The following NKAIN3 variants were observed in gnomAD, a reference collection of about 807,000 sequenced individuals.
NKAIN3 encodes the protein sodium/potassium-transporting ATPase subunit beta-1-interacting protein 3.
In NKAIN3, 25 loss-of-function variants were observed where a neutral mutation model predicts 30.2. The ratio of observed to expected loss-of-function variants is 0.83; its 90% CI spans 0.60 to 1.16. The LOEUF is 1.16. Ranked by LOEUF, NKAIN3 falls within the 50% of genes most tolerant of loss-of-function variation. The pLI, the probability that NKAIN3 is intolerant of heterozygous loss-of-function variation, is 0.00. For synonymous variants in NKAIN3, 91 were observed against 89.6 expected, an observed-to-expected ratio of 1.02 and a Z score of -0.09; for missense variants, 225 against 254.1, an observed-to-expected ratio of 0.89 and a Z score of 0.78.
intron 1 of NKAIN3, among the ~76,000 whole-genome samples, chr8:62,327,986 A>C (rs550204415): frequency 6.6e-6 from 1 of 152,048 alleles, no homozygotes; most frequent in African/African-American, 2.4e-5. Context: ...TTGCAGAGGA[A>C]TCTTTTAAAA....
intron 1 of NKAIN3, among the ~76,000 whole-genome samples, chr8:62,436,498 A>T (rs1489980801): frequency 6.6e-6 from 1 of 152,206 alleles, no homozygotes; most frequent in Non-Finnish European, 1.5e-5. Flanking sequence ...AAGTGGTTAT[A>T]AAACAGCTGT....
intron 1 of NKAIN3, among the ~76,000 whole-genome samples, chr8:62,396,038 A>G (rs2351659): frequency 0.56 from 84,686 of 152,050 alleles, 26,279 homozygotes; most frequent in Non-Finnish European, 0.68. Flanking sequence ...TGAAGAAAAA[A>G]GAGGTTTTTA....
chr8:62,665,508 T>C (rs1379065121), intron 3 of NKAIN3, among the ~76,000 whole-genome samples: 1 of 152,212 alleles, frequency 6.6e-6, no homozygotes. Flanking sequence ...TTAAGACCAC[T>C]TTCTCTTATC....
At position 62,975,363 on chromosome 8, in the gene NKAIN3, G is replaced by A. The variant is rs902584983; in HGVS notation, c.*9956G>A. Among the ~76,000 whole-genome samples the A allele has an allele frequency of 1.3e-5, 2 of 152,070 alleles. No individual in the cohort carries two copies. The highest frequency in any genetic ancestry group is 4.8e-5 in the African/African-American group (2 of 41,410). ...AGAACTTGTTATTGGTCTATTCAGG[G>A]ATTCAACTTCTTCCTGGGTTAGTCA... On this transcript the variant is annotated 3_prime_UTR_variant, in exon 7 of 7. Coordinates refer to ENST00000623646, the MANE Select transcript of NKAIN3 (RefSeq NM_001304533.3).
intron 3 of NKAIN3, among the ~76,000 whole-genome samples, chr8:62,676,463 G>C (rs1813477085): frequency 6.6e-6 from 1 of 152,188 alleles, no homozygotes; most frequent in Admixed American, 6.5e-5. Context: ...CAGCTACTCG[G>C]CAGGCTGAGG....
intron 1 of NKAIN3, chr8:62,483,930 C>T (rs13273916): frequency 0.071 from 11,185 of 157,240 alleles, 507 homozygotes; most frequent in African/African-American, 0.13. Context: ...GTCTCACTGC[C>T]TCAACACTGG....
chr8:62,564,024 C>G (rs1045375102), intron 1 of NKAIN3, among the ~76,000 whole-genome samples: 1 of 152,294 alleles, frequency 6.6e-6, no homozygotes, highest in Admixed American at 6.5e-5. Context: ...CAATTGGACT[C>G]TGTAACCTGA....
intron 3 of NKAIN3, among the ~76,000 whole-genome samples, chr8:62,676,394 C>A (rs568963467): frequency 9.2e-4 from 140 of 152,218 alleles, no homozygotes; most frequent in African/African-American, 3.2e-3. Flanking sequence ...CGGTGAAACC[C>A]CGTCTCTACT....
chr8:62,632,827 A>G (rs953028606), intron 3 of NKAIN3, among the ~76,000 whole-genome samples: 2 of 152,158 alleles, frequency 1.3e-5, no homozygotes, highest in Non-Finnish European at 2.9e-5. Context: ...AGTGTTCCTG[A>G]AGGATCATGC....
chr8:62,992,666 A>T (rs1824345721), intron 5 of NKAIN3, among the ~76,000 whole-genome samples: 1 of 151,928 alleles, frequency 6.6e-6, no homozygotes, highest in Non-Finnish European at 1.5e-5. Flanking sequence ...TATAGCCATG[A>T]TTCACTCTAC....
At chr8:62,839,796 T>C (rs1819476926) in intron 4 of NKAIN3, among the ~76,000 whole-genome samples, 1 of 151,946 alleles carries the variant, frequency 6.6e-6, no homozygotes, top group African/African-American at 2.4e-5. Flanking sequence ...TTTACAAAAA[T>C]TTTGTTAGGG....
rs77712822 is a variant in NKAIN3 at position 62,768,361 on chromosome 8, G to A, written c.471+21232G>A. On this transcript the variant is annotated intron_variant, in intron 4 of 6. Transcript: ENST00000623646. Reference sequence around the variant, plus strand: ...GACTCCCGCTCTGCTGACAGGATACGCTATTTGCATTGACAACAGTTGCAG... The same window carrying A: ...GACTCCCGCTCTGCTGACAGGATACACTATTTGCATTGACAACAGTTGCAG... Among the ~76,000 whole-genome samples, 159 of 152,232 alleles carry A rather than the reference G, an allele frequency of 1.0e-3. 2 individuals are homozygous for A. The highest frequency in any genetic ancestry group is 3.6e-3 in the African/African-American group (151 of 41,560).
At chr8:62,858,056 T>G (rs1459418300) in intron 4 of NKAIN3, among the ~76,000 whole-genome samples, 2 of 146,904 alleles carry the variant, frequency 1.4e-5, no homozygotes, top group Non-Finnish European at 3.0e-5. Context: ...TTGTTTTCTG[T>G]GTTTTTTTTG....
At chr8:62,263,866 G>A (rs77731229) in intron 1 of NKAIN3, among the ~76,000 whole-genome samples, 9 of 152,232 alleles carry the variant, frequency 5.9e-5, no homozygotes, top group Admixed American at 5.2e-4. Flanking sequence ...TATGAACTTC[G>A]ATACATGCAA....
At chr8:62,986,950 A>T (rs567542265), downstream of NKAIN3, among the ~76,000 whole-genome samples, 2 of 152,288 alleles carry the variant, frequency 1.3e-5, no homozygotes, top group South Asian at 2.1e-4. Context: ...TCTTGCTCTT[A>T]TCTAAACATT....
At chr8:62,269,023 A>G (rs911249455) in intron 1 of NKAIN3, among the ~76,000 whole-genome samples, 3 of 152,144 alleles carry the variant, frequency 2.0e-5, no homozygotes, top group African/African-American at 7.2e-5. Context: ...GCTGTCTGAA[A>G]TACATCTTCC....
chr8:62,631,575 G>A (rs891464005), intron 3 of NKAIN3, among the ~76,000 whole-genome samples: 6 of 152,098 alleles, frequency 3.9e-5, no homozygotes, highest in Non-Finnish European at 8.8e-5. Flanking sequence ...AGAGTCCCTC[G>A]TGAATTTGCC....
chr8:62,654,746 A>T (rs1029144855), intron 3 of NKAIN3, among the ~76,000 whole-genome samples: 1 of 152,178 alleles, frequency 6.6e-6, no homozygotes, highest in African/African-American at 2.4e-5. Flanking sequence ...TTTACCACAC[A>T]TACACACACA....
At chr8:62,935,467 A>G (rs769682762) in intron 5 of NKAIN3, among the ~76,000 whole-genome samples, 6 of 152,136 alleles carry the variant, frequency 3.9e-5, no homozygotes, top group South Asian at 2.1e-4. Flanking sequence ...TTTACAGATG[A>G]GTAAACTACA....
Sources: gnomAD v4.1 joint callset for allele counts (sites outside exome capture counted in the v4.1 genomes callset) on GRCh38, gnomAD v4.1.1 for gene constraint, MANE v1.5 for transcripts, NCBI Gene and HGNC (gene_info 2026-07-23, HGNC 2026-07-21) for gene names.